ETF1: variants seen among roughly 807,000 people sequenced by gnomAD.
ETF1 encodes eukaryotic translation termination factor 1, also known as eukaryotic peptide chain release factor subunit 1.
ETF1 carries 4 observed loss-of-function variants against 55.1 expected under a neutral mutation model. The ratio of observed to expected loss-of-function variants is 0.07; its 90% confidence interval spans 0.04 to 0.17. ETF1 has a LOEUF of 0.17. ETF1 is among the 10% of genes least tolerant of loss of function. ETF1 has a pLI of 1.00. For missense variants in ETF1, 142 were observed against 523.6 expected, an observed-to-expected ratio of 0.27 and a Z score of 7.11; for synonymous variants, 157 against 182.3, an observed-to-expected ratio of 0.86 and a Z score of 1.12.
rs1397075637 is a variant in ETF1, at chr5:138,538,297, C to A, written c.86+4536G>T. 1.7e-4 allele frequency among the ~76,000 whole-genome samples: 23 copies of A among 136,132 alleles called. 1 individual carries two copies. Among genetic ancestry groups the A allele is most frequent in the Non-Finnish European group, 2.9e-4 (18 of 63,066 alleles). The allele number at this position is 136,132 out of a possible 152,430, so 89.3% of individuals were successfully genotyped here. A position where few individuals can be genotyped will look rare whatever the true frequency, so the allele number is the denominator to read the frequency against. Reference sequence around the variant, plus strand: ...CTACGCCTCCAAGGTTCAAGCATTTCTCCTGCCTCAGCCTCCCGAGTAGCT... The same window carrying A: ...CTACGCCTCCAAGGTTCAAGCATTTATCCTGCCTCAGCCTCCCGAGTAGCT... On this transcript the variant is annotated intron_variant, in intron 2 of 10. Coordinates refer to ENST00000360541, the MANE Select transcript of ETF1 (RefSeq NM_004730.4).
chr5:138,541,675 A>T, intron 2 of ETF1: 1 of 1,408,430 alleles, frequency 7.1e-7, no homozygotes, highest in Non-Finnish European at 9.3e-7. Flanking sequence ...TGCTGAAATC[A>T]ACTTTTCACA....
At chr5:138,542,572 G>C in intron 2 of ETF1, 6 of 1,344,420 alleles carry the variant, frequency 4.5e-6, no homozygotes, top group Non-Finnish European at 5.8e-6. Flanking sequence ...AGGTGCAAAA[G>C]TAGCGGTGGC....
chr5:138,524,781 T>C (rs1174269355), intron 2 of ETF1, among the ~76,000 whole-genome samples: 1 of 151,946 alleles, frequency 6.6e-6, no homozygotes, highest in Non-Finnish European at 1.5e-5. Flanking sequence ...TTTCACCATG[T>C]TGGCCAGGAT....
intron 4 of ETF1, among the ~76,000 whole-genome samples, chr5:138,516,686 AC>A (rs1765034334): frequency 6.6e-6 from 1 of 152,222 alleles, no homozygotes; most frequent in African/African-American, 2.4e-5. Flanking sequence ...AAATTGCCTT[AC>A]TTTTTGAAAA....
intron 8 of ETF1, 147 bp from the exon 9 acceptor site, chr5:138,510,776 G>A (rs1381155846): frequency 3.4e-6 from 4 of 1,187,076 alleles, no homozygotes. Flanking sequence ...TACACTGAGT[G>A]TCTACTAGGT....
chr5:138,522,008 A>T (rs1765252505), intron 2 of ETF1, among the ~76,000 whole-genome samples: 1 of 152,316 alleles, frequency 6.6e-6, no homozygotes, highest in African/African-American at 2.4e-5. Flanking sequence ...CAACATGGAT[A>T]AACGACTATT....
chr5:138,518,203 CAA>C (rs35745884), intron 3 of ETF1, among the ~76,000 whole-genome samples: 1,014 of 80,406 alleles, frequency 0.013, 16 homozygotes, highest in African/African-American at 0.045. Flanking sequence ...TGTCTCATCC[CAA>C]AAAAAAAAAA....
At chr5:138,513,020 AAATAAAAT>A (rs1359335474) in intron 5 of ETF1, 66 bp from the exon 6 acceptor site, 4 of 1,404,426 alleles carry the variant, frequency 2.8e-6, no homozygotes, top group Non-Finnish European at 3.7e-6. Flanking sequence ...TTCAAATTAA[AAATAAAAT>A]AATCATGTCA....
At position 138,508,396 on chromosome 5, in the gene ETF1, A is replaced by G. The variant is rs745957745; in HGVS notation, c.1232-9T>C. On this transcript the variant is annotated splice_polypyrimidine_tract_variant and intron_variant, in intron 10 of 10. Coordinates refer to ENST00000360541, the MANE Select transcript of ETF1 (RefSeq NM_004730.4). ...TCGGTACCGCAAGATACCTGGGGAA[A>G]CAAACCAAAAGGTAAATTACCTGTG... 1.9e-6 allele frequency: 3 copies of G among 1,613,572 alleles called. No homozygotes were observed. Among genetic ancestry groups the G allele is most frequent in the Non-Finnish European group, 8.5e-7 (1 of 1,179,806 alleles).
At chr5:138,515,840 T>C (rs1312074018) in intron 4 of ETF1, among the ~76,000 whole-genome samples, 1 of 151,964 alleles carries the variant, frequency 6.6e-6, no homozygotes, top group African/African-American at 2.4e-5. Context: ...GTAAGTAGAG[T>C]GTGGTAGTGA....
intron 6 of ETF1, among the ~76,000 whole-genome samples, chr5:138,512,241 T>C (rs1374537635): frequency 1.7e-4 from 1 of 5,778 alleles, no homozygotes; most frequent in Admixed American, 3.5e-3. Context: ...TATATATATA[T>C]ATATATATAT....
chr5:138,512,250 ATATATATATTT>A (rs1248751647), intron 6 of ETF1, among the ~76,000 whole-genome samples: 9 of 11,854 alleles, frequency 7.6e-4, no homozygotes, highest in African/African-American at 2.6e-3. Context: ...ATATATATAT[ATATATATATTT>A]TTTTTTTTTT....
At chr5:138,519,311 G>T in intron 2 of ETF1, 1 of 394,662 alleles carries the variant, frequency 2.5e-6, no homozygotes, top group Non-Finnish European at 3.5e-6. Context: ...CAAGAATTTA[G>T]TATTCTAATG....
At chr5:138,513,899 A>AAGG (rs1764912754) in intron 4 of ETF1, 193 bp from the exon 5 acceptor site, 1 of 836,536 alleles carries the variant, frequency 1.2e-6, no homozygotes, top group African/African-American at 1.8e-5. Flanking sequence ...TGAACCCAAT[A>AAGG]AGGAAATAAC....
chr5:138,519,114 AG>A, intron 2 of ETF1: 1 of 984,698 alleles, frequency 1.0e-6, no homozygotes, highest in South Asian at 4.7e-5. Flanking sequence ...ATACACTTGG[AG>A]AGATACTTGA....
chr5:138,514,310 A>T (rs115908535), intron 4 of ETF1, among the ~76,000 whole-genome samples: 1,973 of 152,210 alleles, frequency 0.013, 55 homozygotes, highest in African/African-American at 0.044. Context: ...TCCCAGCACT[A>T]TGGGAGGCTG....
intron 8 of ETF1, 162 bp from the exon 9 acceptor site, chr5:138,510,791 T>C (rs1764744775): frequency 1.4e-6 from 1 of 692,878 alleles, no homozygotes; most frequent in African/African-American, 1.9e-5. Flanking sequence ...CTAGGTACAA[T>C]GCTTCAACCA....
intron 9 of ETF1, chr5:138,509,251 C>A (rs1357157704): frequency 2.4e-6 from 2 of 845,304 alleles, no homozygotes; most frequent in South Asian, 5.4e-5. Context: ...CTATCTCATA[C>A]GGGAGGGTCA....
rs1764591267 is a variant in ETF1, at chr5:138,507,224, A to G, written c.*1081T>C. On this transcript the variant is annotated 3_prime_UTR_variant, in exon 11 of 11. Coordinates refer to ENST00000360541, the MANE Select transcript of ETF1 (RefSeq NM_004730.4). ...TGTGAGAAGTGCTTGTAAGTCCCACATTTGAAACAGATGCTCCAACCCCAC... is the reference window on the plus strand; with the variant it reads ...TGTGAGAAGTGCTTGTAAGTCCCACGTTTGAAACAGATGCTCCAACCCCAC... 1 of 143,246 alleles carries G rather than the reference A, an allele frequency of 7.0e-6. No individual in the cohort carries two copies. Among genetic ancestry groups the G allele is most frequent in the South Asian group, 2.4e-4 (1 of 4,214 alleles). 8.9% of individuals were successfully genotyped at this position (143,246 alleles called of 1,614,324 possible). A position where few individuals can be genotyped will look rare whatever the true frequency, so the allele number is the denominator to read the frequency against.
Sources: allele counts gnomAD v4.1 joint callset (sites outside exome capture counted in the v4.1 genomes callset), GRCh38; gene constraint gnomAD v4.1.1; transcripts MANE v1.5; gene names NCBI Gene and HGNC (gene_info 2026-07-23, HGNC 2026-07-21).